SLC35F4: variants seen among roughly 807,000 people sequenced by gnomAD.
SLC35F4 encodes the protein solute carrier family 35 member F4.
In SLC35F4, 24 loss-of-function variants were observed where a neutral mutation model predicts 44.2. The observed-to-expected ratio is 0.54, with a 90% CI of 0.39 to 0.76. The LOEUF (loss-of-function observed/expected upper bound fraction) is 0.76. Among genes scored for constraint, SLC35F4 ranks in the 30% least tolerant of loss-of-function variants. The pLI is 0.00. For synonymous variants in SLC35F4, 238 were observed against 223.6 expected (o/e 1.06, Z -0.57); for missense variants, 562 against 586.1 (o/e 0.96, Z 0.42).
intron 1 of SLC35F4, among the ~76,000 whole-genome samples, chr14:57,874,944 C>T (rs1888368114): frequency 6.6e-6 from 1 of 150,840 alleles, no homozygotes; most frequent in African/African-American, 2.5e-5. Context: ...TCAACTGTTA[C>T]TCCTAATCTT....
rs763230884 is a variant in SLC35F4, at chr14:57,981,307, C to T, written n.151+606G>A. Among the ~76,000 whole-genome samples the T allele has an allele frequency of 6.6e-5, 10 of 152,076 alleles. No individual in the cohort carries two copies. The South Asian group carries it at 1.2e-3, about 19-fold the overall frequency. ...AGAGACTGATAACATTGCTCTGATTCGACAAGAAAATATACGTGAAAAACT... is the reference window on the plus strand; with the variant it reads ...AGAGACTGATAACATTGCTCTGATTTGACAAGAAAATATACGTGAAAAACT... On this transcript the variant is annotated intron_variant and non_coding_transcript_variant, in intron 1 of 1. Transcript: ENST00000554648.
At chr14:57,958,853 G>T (rs1890291065) in intron 1 of SLC35F4, among the ~76,000 whole-genome samples, 1 of 152,216 alleles carries the variant, frequency 6.6e-6, no homozygotes, top group South Asian at 2.1e-4. Context: ...CTCACAGCAG[G>T]TCCTGCCTAG....
At chr14:57,783,637 G>T (rs953027641) in intron 1 of SLC35F4, among the ~76,000 whole-genome samples, 2 of 152,106 alleles carry the variant, frequency 1.3e-5, no homozygotes, top group African/African-American at 2.4e-5. Flanking sequence ...CATTTTTCTG[G>T]GTTGCTCCAT....
chr14:57,603,341 A>G (rs2070945781), intron 1 of SLC35F4, among the ~76,000 whole-genome samples: 1 of 152,226 alleles, frequency 6.6e-6, no homozygotes, highest in Non-Finnish European at 1.5e-5. Flanking sequence ...AAATATATTT[A>G]ACATGGCTAT....
intron 1 of SLC35F4, among the ~76,000 whole-genome samples, chr14:57,727,377 A>G (rs1230003944): frequency 6.6e-6 from 1 of 150,786 alleles, no homozygotes; most frequent in Non-Finnish European, 1.5e-5. Flanking sequence ...TTGATCTTTT[A>G]TGTTTTCTTC....
intron 1 of SLC35F4, among the ~76,000 whole-genome samples, chr14:57,724,370 C>G (rs942888545): frequency 6.6e-6 from 1 of 152,206 alleles, no homozygotes; most frequent in Non-Finnish European, 1.5e-5. Context: ...CAGATAACTA[C>G]TCTCCTTTTG....
chr14:57,789,628 C>T (rs1037798691), intron 1 of SLC35F4, among the ~76,000 whole-genome samples: 2 of 152,186 alleles, frequency 1.3e-5, no homozygotes, highest in Non-Finnish European at 2.9e-5. Flanking sequence ...AAGAGGGATT[C>T]CTCCCTAACT....
At chr14:57,682,332 A>ATG (rs1713721179) in intron 1 of SLC35F4, among the ~76,000 whole-genome samples, 1 of 152,214 alleles carries the variant, frequency 6.6e-6, no homozygotes, top group African/African-American at 2.4e-5. Flanking sequence ...AGATGAGTTC[A>ATG]TATCCTTTGC....
intron 1 of SLC35F4, among the ~76,000 whole-genome samples, chr14:57,937,116 G>A (rs1275836628): frequency 1.3e-5 from 2 of 148,576 alleles, no homozygotes; most frequent in Non-Finnish European, 3.0e-5. Context: ...CACCCAGGCT[G>A]GAGTGCAATG....
intron 1 of SLC35F4, among the ~76,000 whole-genome samples, chr14:57,936,524 G>A (rs1217953673): frequency 6.6e-6 from 1 of 152,158 alleles, no homozygotes; most frequent in Non-Finnish European, 1.5e-5. Flanking sequence ...CTCCCCCCAG[G>A]GAACTTTTGA....
At chr14:57,573,711 TAAA>T (rs1166214063) in intron 4 of SLC35F4, among the ~76,000 whole-genome samples, 1 of 152,092 alleles carries the variant, frequency 6.6e-6, no homozygotes, top group Non-Finnish European at 1.5e-5. Context: ...TTCAGGGAAA[TAAA>T]AAAGGCACAT....
intron 1 of SLC35F4, among the ~76,000 whole-genome samples, chr14:57,664,048 A>G (rs988049058): frequency 3.9e-5 from 6 of 152,196 alleles, no homozygotes; most frequent in Non-Finnish European, 1.5e-5. Flanking sequence ...ATAGAGGAGA[A>G]TATTAATAAA....
At chr14:57,643,855 A>T (rs1198445468) in intron 1 of SLC35F4, among the ~76,000 whole-genome samples, 2 of 151,670 alleles carry the variant, frequency 1.3e-5, no homozygotes, top group Non-Finnish European at 2.9e-5. Flanking sequence ...CCTATGAGTG[A>T]GAATATGCGG....
At chr14:57,630,814 C>T (rs1274277939) in intron 1 of SLC35F4, 3 of 611,668 alleles carry the variant, frequency 4.9e-6, no homozygotes, top group Middle Eastern at 6.9e-4. Flanking sequence ...TTTCCCTGTA[C>T]CAGGCAATGA....
chr14:57,645,096 T>A (rs986920397), intron 1 of SLC35F4, among the ~76,000 whole-genome samples: 1 of 152,032 alleles, frequency 6.6e-6, no homozygotes, highest in African/African-American at 2.4e-5. Context: ...ATTGATTCGA[T>A]GATGCAGACT....
intron 2 of SLC35F4, among the ~76,000 whole-genome samples, chr14:57,590,847 G>A (rs1241883877): frequency 1.3e-5 from 2 of 152,218 alleles, no homozygotes. Flanking sequence ...TGTCTCCAGA[G>A]CCTACTGGCT....
chr14:57,872,089 G>A (rs1020487045), intron 1 of SLC35F4, among the ~76,000 whole-genome samples: 6 of 152,098 alleles, frequency 3.9e-5, no homozygotes, highest in African/African-American at 9.7e-5. Context: ...TTTGAAACTC[G>A]TTAGAATGCA....
chr14:57,569,861 G>A lies in SLC35F4; in HGVS notation c.1053C>T (p.Thr351=), dbSNP rs1456801255. Residue 351 remains threonine, a synonymous_variant, in exon 6 of 8, where the codon ACC becomes ACT. Coordinates refer to ENST00000556826, the MANE Select transcript of SLC35F4 (RefSeq NM_001306087.2). ...ISFTPVILYF[T]KVEHWSSFAA... ...CAAAAGAGGACCAGTGCTCCACCTT[G>A]GTGAAATACAAGATGACTGGGGTGA... 6.2e-7 allele frequency: 1 copy of A among 1,611,714 alleles called. No individual in the cohort carries two copies. Among genetic ancestry groups the A allele is most frequent in the Admixed American group, 1.7e-5 (1 of 59,782 alleles).
intron 1 of SLC35F4, among the ~76,000 whole-genome samples, chr14:57,980,539 C>G (rs575564018): frequency 2.0e-5 from 3 of 152,248 alleles, no homozygotes; most frequent in Non-Finnish European, 4.4e-5. Context: ...AGAACCTGAG[C>G]TGATTCTTTG....
Sources: gnomAD v4.1 joint callset for allele counts (sites outside exome capture counted in the v4.1 genomes callset) on GRCh38, gnomAD v4.1.1 for gene constraint, MANE v1.5 for transcripts, NCBI Gene and HGNC (gene_info 2026-07-23, HGNC 2026-07-21) for gene names.